The following HIVEP3 variants were observed in gnomAD, a reference collection of about 807,000 sequenced individuals.
HIVEP3 encodes the protein transcription factor HIVEP3.
In HIVEP3, 49 loss-of-function variants were observed where a neutral mutation model predicts 152.8. That is an observed-to-expected ratio of 0.32 (90% CI 0.26 to 0.41). The LOEUF (loss-of-function observed/expected upper bound fraction) is 0.41, where lower values mean the gene tolerates loss of function less well. HIVEP3 is among the 10% of genes least tolerant of loss of function. HIVEP3 has a pLI of 1.00. For missense variants in HIVEP3, 2,790 were observed against 3,103.3 expected, an observed-to-expected ratio of 0.90 and a Z score of 2.40; for synonymous variants, 1,269 against 1,289.0, an observed-to-expected ratio of 0.98 and a Z score of 0.33.
intron 5 of HIVEP3, among the ~76,000 whole-genome samples, chr1:41,552,552 A>AT (rs1411270209): frequency 2.7e-5 from 4 of 146,002 alleles, no homozygotes; most frequent in Non-Finnish European, 4.5e-5. Flanking sequence ...TGAACTCATC[A>AT]TTTTTTATGG....
At chr1:41,532,386 G>A (rs1238953133) in intron 5 of HIVEP3, among the ~76,000 whole-genome samples, 1 of 152,136 alleles carries the variant, frequency 6.6e-6, no homozygotes, top group Non-Finnish European at 1.5e-5. Context: ...AGAGTGTTGA[G>A]AGCCTGGAGT....
intron 2 of HIVEP3, among the ~76,000 whole-genome samples, chr1:41,665,733 C>CACACACAG (rs1165944533): frequency 6.6e-6 from 1 of 151,612 alleles, no homozygotes; most frequent in African/African-American, 2.4e-5. Flanking sequence ...CACACACACA[C>CACACACAG]ACACACAGTC....
chr1:41,756,995 A>T (rs1350031467), intron 1 of HIVEP3, among the ~76,000 whole-genome samples: 1 of 152,058 alleles, frequency 6.6e-6, no homozygotes, highest in East Asian at 1.9e-4. Flanking sequence ...TAATCCCAGC[A>T]CTATAGAGGG....
chr1:42,007,948 T>C (rs1349169014), intron 1 of HIVEP3, among the ~76,000 whole-genome samples: 6 of 152,208 alleles, frequency 3.9e-5, no homozygotes, highest in African/African-American at 1.4e-4. Flanking sequence ...ATAACTCGAA[T>C]GCACTTACAT....
chr1:41,935,757 A>C, intron 1 of HIVEP3, among the ~76,000 whole-genome samples: 1 of 146,794 alleles, frequency 6.8e-6, no homozygotes, highest in East Asian at 1.9e-4. Context: ...TATATATTTT[A>C]TATATATAAT....
At chr1:42,012,649 C>T (rs896574320) in intron 1 of HIVEP3, among the ~76,000 whole-genome samples, 19 of 152,092 alleles carry the variant, frequency 1.2e-4, no homozygotes, top group African/African-American at 4.3e-4. Context: ...AAGATTGTGC[C>T]GCTGCACTCC....
chr1:41,740,128 T>A (rs1223066011), intron 1 of HIVEP3, among the ~76,000 whole-genome samples: 1 of 152,200 alleles, frequency 6.6e-6, no homozygotes, highest in Non-Finnish European at 1.5e-5. Flanking sequence ...ATACTCAACC[T>A]ACCCATCCAC....
chr1:41,661,197 G>A (rs996272482), intron 2 of HIVEP3, among the ~76,000 whole-genome samples: 13 of 152,072 alleles, frequency 8.5e-5, no homozygotes, highest in African/African-American at 3.1e-4. Flanking sequence ...AGTCACTAAG[G>A]GATAGACCCA....
chr1:41,702,225 T>A (rs958695102), intron 1 of HIVEP3, among the ~76,000 whole-genome samples: 1 of 152,088 alleles, frequency 6.6e-6, no homozygotes, highest in African/African-American at 2.4e-5. Flanking sequence ...ATCATTACTA[T>A]CAACAACAGC....
intron 3 of HIVEP3, among the ~76,000 whole-genome samples, chr1:41,624,387 A>G (rs1434250345): frequency 2.0e-5 from 3 of 152,232 alleles, no homozygotes; most frequent in African/African-American, 7.2e-5. Context: ...ACATTCAAAC[A>G]TGCTCTATAG....
At chr1:41,548,275 G>A (rs889303123) in intron 5 of HIVEP3, among the ~76,000 whole-genome samples, 3 of 152,102 alleles carry the variant, frequency 2.0e-5, no homozygotes, top group Non-Finnish European at 2.9e-5. Flanking sequence ...CTGTGGTAGC[G>A]ATCACTCTCC....
chr1:41,660,907 A>G (rs1027109995), intron 2 of HIVEP3, among the ~76,000 whole-genome samples: 7 of 152,204 alleles, frequency 4.6e-5, no homozygotes, highest in African/African-American at 1.7e-4. Flanking sequence ...CACTGAACAC[A>G]CTGGGAAAAT....
At chr1:41,949,620 G>C (rs1645094806) in intron 1 of HIVEP3, among the ~76,000 whole-genome samples, 1 of 151,932 alleles carries the variant, frequency 6.6e-6, no homozygotes, top group Non-Finnish European at 1.5e-5. Context: ...ACTGGACCCT[G>C]GGGCCTCCTC....
rs967908392 is a variant in HIVEP3 at position 41,550,860 on chromosome 1, C to T, written c.5207+24684G>A. On this transcript the variant is annotated intron_variant, in intron 5 of 8. Coordinates refer to ENST00000372583, the MANE Select transcript of HIVEP3 (RefSeq NM_024503.5). The stretch of plus-strand genomic sequence containing the variant: ...ACTTCCTCTTTTTCTAATTGAATAC[C>T]CTTTATTTCTTTCTCTTGCCTGATT... Among the ~76,000 whole-genome samples, 5 of 152,050 alleles carry T rather than the reference C, an allele frequency of 3.3e-5. 1 individual carries two copies. The highest frequency in any genetic ancestry group is 3.3e-4 in the Admixed American group (5 of 15,256).
intron 1 of HIVEP3, among the ~76,000 whole-genome samples, chr1:41,885,556 C>T (rs753565960): frequency 2.6e-5 from 4 of 152,140 alleles, no homozygotes; most frequent in African/African-American, 7.2e-5. Flanking sequence ...GTTCCAGCTA[C>T]GCGGAGGCTG....
intron 3 of HIVEP3, among the ~76,000 whole-genome samples, chr1:41,591,001 G>T (rs902439224): frequency 6.6e-6 from 1 of 152,142 alleles, no homozygotes; most frequent in South Asian, 2.1e-4. Context: ...TGTCATGTGT[G>T]GTTTAAATTG....
chr1:41,855,300 T>A lies in HIVEP3; in HGVS notation c.-801+63113A>T, dbSNP rs541635894. 1.1e-4 allele frequency among the ~76,000 whole-genome samples: 16 copies of A among 151,536 alleles called. No individual in the cohort carries two copies. The South Asian group carries it at 3.3e-3, about 31-fold the overall frequency. ...GTGATGATGAGCATTTCTTCATGTG[T>A]TTTTTGGCTGCATAAAAAAGCAATG... is the stretch of plus-strand genomic sequence containing the variant. On this transcript the variant is annotated intron_variant, in intron 1 of 8. Transcript: ENST00000372583.
chr1:41,834,576 T>A (rs1257109563), intron 1 of HIVEP3, among the ~76,000 whole-genome samples: 1 of 152,172 alleles, frequency 6.6e-6, no homozygotes, highest in Non-Finnish European at 1.5e-5. Context: ...ATGTGGTGGT[T>A]CCTCCACAAA....
intron 1 of HIVEP3, among the ~76,000 whole-genome samples, chr1:41,808,291 C>T (rs548163527): frequency 4.6e-5 from 7 of 152,268 alleles, no homozygotes; most frequent in Non-Finnish European, 8.8e-5. Context: ...CCAAAGACCA[C>T]AAAATGCCTT....
Sources: gnomAD v4.1 joint callset for allele counts (sites outside exome capture counted in the v4.1 genomes callset) on GRCh38, gnomAD v4.1.1 for gene constraint, MANE v1.5 for transcripts, NCBI Gene and HGNC (gene_info 2026-07-23, HGNC 2026-07-21) for gene names.